PFKFB2: variants seen among roughly 807,000 people sequenced by gnomAD.
PFKFB2 encodes 6-phosphofructo-2-kinase/fructose-2,6-bisphosphatase 2.
Under a neutral mutation model 68.0 loss-of-function variants are expected in PFKFB2, and 53 were observed. The observed-to-expected ratio is 0.78, with a 90% CI of 0.63 to 0.98. The LOEUF is 0.98. PFKFB2 is among the 50% of genes least tolerant of loss of function. The probability of loss-of-function intolerance (pLI) is 0.00; values close to 1 mark genes in which losing one functional copy is unlikely to be tolerated. For missense variants in PFKFB2, 451 were observed against 642.0 expected, an observed-to-expected ratio of 0.70 and a Z score of 3.22; for synonymous variants, 222 against 227.6, an observed-to-expected ratio of 0.98 and a Z score of 0.22.
chr1:207,057,670 T>A (rs1314464750), intron 2 of PFKFB2, among the ~76,000 whole-genome samples: 1 of 152,204 alleles, frequency 6.6e-6, no homozygotes. Flanking sequence ...AAGACTCCTG[T>A]TTCTTCCAAA....
chr1:207,054,696 T>G lies in PFKFB2; in HGVS notation c.-17-5T>G, dbSNP rs765398880. On this transcript the variant is annotated splice_region_variant and splice_polypyrimidine_tract_variant and intron_variant, in intron 1 of 14. Coordinates refer to ENST00000367080, the MANE Select transcript of PFKFB2 (RefSeq NM_006212.2). ...CCTTTTTTACATTCTACTTCTCTGTTTCAGACATCTGAAGAGCTGCCATGT... is the reference window on the plus strand; with the variant it reads ...CCTTTTTTACATTCTACTTCTCTGTGTCAGACATCTGAAGAGCTGCCATGT... 16 of 1,590,972 alleles carry G rather than the reference T, an allele frequency of 1.0e-5. No individual in the cohort carries two copies. The highest frequency in any genetic ancestry group is 1.7e-5 in the Admixed American group (1 of 59,550).
At position 207,054,599 on chromosome 1, in the gene PFKFB2, G is replaced by T. The variant is rs57639876; in HGVS notation, c.-17-102G>T. On this transcript the variant is annotated intron_variant, in intron 1 of 14. Coordinates refer to ENST00000367080, the MANE Select transcript of PFKFB2 (RefSeq NM_006212.2). ...GGACTGAACCTGCCTCTTGGCCCAG[G>T]GTGTTTTTACTTATACCACACGGAT... The T allele has an allele frequency of 6.8e-4, 467 of 684,924 alleles. 2 individuals carry two copies. The highest frequency in any genetic ancestry group is 4.8e-3 in the Admixed American group (178 of 36,964). 42.4% of individuals were successfully genotyped at this position (684,924 alleles called of 1,614,324 possible). A position where few individuals can be genotyped will look rare whatever the true frequency, so the allele number is the denominator to read the frequency against.
chr1:207,060,667 G>C (rs1431366312), intron 2 of PFKFB2, among the ~76,000 whole-genome samples: 1 of 152,172 alleles, frequency 6.6e-6, no homozygotes, highest in Non-Finnish European at 1.5e-5. Flanking sequence ...CAGAAACTCT[G>C]TTGGACCTAT....
rs188426402 is a variant in PFKFB2 at position 207,066,480 on chromosome 1, A to T, written c.633-1019A>T. ...TTCAGAGGCTGAAAACCACCTCTAG[A>T]TATGGCATAAAAGTATTCTTCAGTT... On this transcript the variant is annotated intron_variant, in intron 8 of 14. Transcript: ENST00000367080. Among the ~76,000 whole-genome samples the T allele has an allele frequency of 8.5e-5, 13 of 152,302 alleles. No individual in the cohort carries two copies. In the East Asian group the frequency reaches 2.5e-3, roughly 29 times the overall value.
chr1:207,076,518 G>A lies in PFKFB2; in HGVS notation c.*4147G>A. On this transcript the variant is annotated 3_prime_UTR_variant, in exon 15 of 15. Coordinates refer to ENST00000367080, the MANE Select transcript of PFKFB2 (RefSeq NM_006212.2). ...AACTGAGTCGGGTTGCAGCACTGGTGGGGTAGAATCGACTTTCCCTGAAGG... is the reference window on the plus strand; with the variant it reads ...AACTGAGTCGGGTTGCAGCACTGGTAGGGTAGAATCGACTTTCCCTGAAGG... The A allele has an allele frequency of 1.0e-6, 1 of 973,774 alleles. No individual in the cohort carries two copies. Among genetic ancestry groups the A allele is most frequent in the Non-Finnish European group, 1.2e-6 (1 of 825,400 alleles). The allele number at this position is 973,774 out of a possible 1,614,324, so 60.3% of individuals were successfully genotyped here. A position where few individuals can be genotyped will look rare whatever the true frequency, so the allele number is the denominator to read the frequency against.
At chr1:207,045,571 A>G (rs570706183) in intron 2 of PFKFB2, 2 of 151,726 alleles carry the variant, frequency 1.3e-5, no homozygotes, top group African/African-American at 4.9e-5. Context: ...AATTCTTAGT[A>G]TGTTTAGGAA....
intron 10 of PFKFB2, 142 bp downstream of exon 10, chr1:207,068,451 C>A: frequency 5.0e-6 from 3 of 595,794 alleles, no homozygotes; most frequent in East Asian, 3.2e-5. Context: ...ATGGCCAGCC[C>A]GGGGGATCAG....
At chr1:207,053,794 C>A (rs1263724760) in intron 1 of PFKFB2, among the ~76,000 whole-genome samples, 1 of 151,968 alleles carries the variant, frequency 6.6e-6, no homozygotes, top group Admixed American at 6.6e-5. Flanking sequence ...GAAATGACGA[C>A]GTGCTAGGGC....
chr1:207,054,068 T>C (rs1682842228), intron 1 of PFKFB2, among the ~76,000 whole-genome samples: 2 of 151,518 alleles, frequency 1.3e-5, no homozygotes, highest in Non-Finnish European at 2.9e-5. Context: ...CAGGCCCGGC[T>C]AATTTTTGTA....
chr1:207,039,565 C>G (rs1256008897), intron 1 of PFKFB2, among the ~76,000 whole-genome samples: 2 of 152,098 alleles, frequency 1.3e-5, no homozygotes, highest in Admixed American at 6.6e-5. Context: ...CTTACGAAAC[C>G]CTTCTTTCCT....
intron 2 of PFKFB2, among the ~76,000 whole-genome samples, chr1:207,058,763 G>A (rs1683002389): frequency 6.6e-6 from 1 of 152,102 alleles, no homozygotes; most frequent in African/African-American, 2.4e-5. Context: ...CCAAAGTGAG[G>A]ATTACAGGCA....
Position 207,070,178 on chromosome 1 carries a change from C to A in PFKFB2, c.1093-102C>A. ...ACTGAGCCTCCAGGAGGAAAGCCAG[C>A]TGAGGAAGAAGAAGTGGCCCTTAGT... On this transcript the variant is annotated intron_variant, in intron 11 of 14. Coordinates refer to ENST00000367080, the MANE Select transcript of PFKFB2 (RefSeq NM_006212.2). This position sits in a 1 kb window ranked among gnomAD's most constrained non-coding sequence, Gnocchi z 4.2. 7.2e-7 allele frequency: 1 copy of A among 1,393,100 alleles called. No homozygotes were observed. Among genetic ancestry groups the A allele is most frequent in the Non-Finnish European group, 9.9e-7 (1 of 1,013,588 alleles). 86.3% of individuals were successfully genotyped at this position (1,393,100 alleles called of 1,614,324 possible).
At chr1:207,068,930 G>A (rs868076377) in intron 10 of PFKFB2, among the ~76,000 whole-genome samples, 3 of 151,888 alleles carry the variant, frequency 2.0e-5, no homozygotes, top group Middle Eastern at 3.2e-3. Flanking sequence ...TAGTTTTAGG[G>A]GAGATGGGGT....
intron 2 of PFKFB2, among the ~76,000 whole-genome samples, chr1:207,056,724 G>T (rs1035150158): frequency 2.6e-5 from 4 of 151,950 alleles, no homozygotes; most frequent in African/African-American, 7.3e-5. Context: ...AGAAGAAGGT[G>T]TCCTAAAGCC....
Position 207,063,282 on chromosome 1 carries a change from A to G in PFKFB2, c.376-65A>G. The G allele has an allele frequency of 6.4e-7, 1 of 1,571,334 alleles. No homozygotes were observed. ...AGCCTGGCTACCCAGCCCCACCTTGAGTCTGCCCTGGTGGGGTTCTGTTTC... is the reference window on the plus strand; with the variant it reads ...AGCCTGGCTACCCAGCCCCACCTTGGGTCTGCCCTGGTGGGGTTCTGTTTC... On this transcript the variant is annotated intron_variant, in intron 5 of 14. Transcript: ENST00000367080. This position sits in a 1 kb window ranked among gnomAD's most constrained non-coding sequence, Gnocchi z 4.1.
chr1:207,064,133 T>C (rs1683211767), intron 7 of PFKFB2, among the ~76,000 whole-genome samples: 1 of 152,148 alleles, frequency 6.6e-6, no homozygotes, highest in East Asian at 1.9e-4. Context: ...AGGTATTATC[T>C]GGATGTTGAG....
upstream of PFKFB2, chr1:207,052,189 A>G: frequency 1.2e-6 from 2 of 1,612,702 alleles, no homozygotes; most frequent in Non-Finnish European, 1.7e-6. Flanking sequence ...ACTCACCTCC[A>G]CTGTAAAAGA....
At chr1:207,055,237 T>C (rs897262963) in intron 2 of PFKFB2, among the ~76,000 whole-genome samples, 2 of 152,208 alleles carry the variant, frequency 1.3e-5, no homozygotes, top group Admixed American at 6.5e-5. Context: ...GAGCCAGTGC[T>C]GCTTGGTTTC....
At chr1:207,051,099 A>G, upstream of PFKFB2, 1 of 1,435,840 alleles carries the variant, frequency 7.0e-7, no homozygotes, top group Non-Finnish European at 9.1e-7. Flanking sequence ...GTACCTTAGC[A>G]AGCGCGAACT....
Sources: gnomAD v4.1 joint callset for allele counts (sites outside exome capture counted in the v4.1 genomes callset) on GRCh38, gnomAD v4.1.1 for gene constraint, Gnocchi (gnomAD v3.1) non-coding constraint, MANE v1.5 for transcripts, NCBI Gene and HGNC (gene_info 2026-07-23, HGNC 2026-07-21) for gene names.